TRIM55: variants seen among roughly 807,000 people sequenced by gnomAD.
TRIM55 encodes tripartite motif-containing protein 55.
A neutral mutation model predicts 60.9 loss-of-function variants in TRIM55; 50 were observed. The observed-to-expected ratio is 0.82, with a 90% CI of 0.65 to 1.04. The LOEUF (loss-of-function observed/expected upper bound fraction) is 1.04. Ranked by LOEUF, TRIM55 falls within the 50% of genes least tolerant of loss-of-function variation. The pLI is 0.00. For missense variants in TRIM55, 681 were observed against 666.9 expected, an observed-to-expected ratio of 1.02 and a Z score of -0.23; for synonymous variants, 237 against 238.1, an observed-to-expected ratio of 1.00 and a Z score of 0.04.
chr8:66,171,077 G>T (rs1811600108), intron 9 of TRIM55, among the ~76,000 whole-genome samples: 1 of 152,152 alleles, frequency 6.6e-6, no homozygotes, highest in Non-Finnish European at 1.5e-5. Flanking sequence ...ATCACCTAAG[G>T]ATGCATTTCT....
intron 9 of TRIM55, among the ~76,000 whole-genome samples, chr8:66,168,412 C>A (rs987499753): frequency 2.0e-5 from 3 of 152,216 alleles, no homozygotes; most frequent in African/African-American, 7.2e-5. Context: ...GGAGAGCGGG[C>A]CAATGCTTGG....
Position 66,154,323 on chromosome 8 carries a change from G to A in TRIM55, c.1513G>A (p.Ala505Thr). Residue 505 changes from alanine (A) to threonine (T), a missense_variant, in exon 9 of 10, where the codon GCT (alanine) becomes ACT (threonine). Transcript: ENST00000315962. ...TGGTAAGGAAACTAGTGCACCTGCA[G>A]CTACTTCTCAGGTTAGTGATGATGC... is the stretch of plus-strand genomic sequence containing the variant. ...VSGKETSAPA[A>T]TSQIGFEAPP... 6.2e-7 allele frequency: 1 copy of A among 1,613,980 alleles called. No individual in the cohort carries two copies. The highest frequency in any genetic ancestry group is 1.3e-5 in the African/African-American group (1 of 75,010).
chr8:66,170,484 C>T (rs992689214), intron 9 of TRIM55, among the ~76,000 whole-genome samples: 1 of 152,146 alleles, frequency 6.6e-6, no homozygotes, highest in Non-Finnish European at 1.5e-5. Context: ...GTATGCATGA[C>T]ATTTTGTTTA....
In TRIM55 at chr8:66,164,544, C is replaced by T. The variant is rs574820763; in HGVS notation, c.1525-9927C>T. 2.0e-5 allele frequency among the ~76,000 whole-genome samples: 3 copies of T among 152,300 alleles called. No individual in the cohort carries two copies. In the East Asian group the frequency reaches 5.8e-4, roughly 29 times the overall value. ...GCTTGTCCTCTTGGCTGAGAAAGTC[C>T]AATGGTTCCCAGCCCAAGTATCAAC... On this transcript the variant is annotated intron_variant, in intron 9 of 9. Coordinates refer to ENST00000315962, the MANE Select transcript of TRIM55 (RefSeq NM_184085.2).
chr8:66,150,141 C>T, intron 5 of TRIM55, 76 bp from the exon 6 acceptor site: 1 of 1,528,466 alleles, frequency 6.5e-7, no homozygotes. Flanking sequence ...TCAGAGTCAA[C>T]AAAGGAAATA....
chr8:66,116,343 A>G, the TRIM55 span, among the ~76,000 whole-genome samples: 1 of 152,182 alleles, frequency 6.6e-6, no homozygotes, highest in African/African-American at 2.4e-5. Context: ...ATGGTGGCTC[A>G]TGCCTATAAT....
At chr8:66,139,079 G>A (rs1283613722) in intron 4 of TRIM55, among the ~76,000 whole-genome samples, 1 of 152,172 alleles carries the variant, frequency 6.6e-6, no homozygotes, top group Non-Finnish European at 1.5e-5. Flanking sequence ...TTCTCTTGGT[G>A]AAGAGCCGAA....
At chr8:66,116,377 C>A in the TRIM55 span, among the ~76,000 whole-genome samples, 1 of 152,148 alleles carries the variant, frequency 6.6e-6, no homozygotes, top group Admixed American at 6.5e-5. Context: ...GAGGCCCGGG[C>A]AGACAGATCC....
At position 66,145,660 on chromosome 8, in the gene TRIM55, GT is replaced by G. The variant is rs144951748; in HGVS notation, c.604-3975del. Among the ~76,000 whole-genome samples, 686 of 148,724 alleles carry G rather than the reference GT, an allele frequency of 4.6e-3. 4 individuals are homozygous for G. The highest frequency in any genetic ancestry group is 0.016 in the African/African-American group (654 of 40,582). ...CTTAAGCATAGTGAATTTGGGTTTTGTTTTTTTTTTCTCTTTTGGAGGTGGA... is the reference window on the plus strand; with the variant it reads ...CTTAAGCATAGTGAATTTGGGTTTTGTTTTTTTTTCTCTTTTGGAGGTGGA... On this transcript the variant is annotated intron_variant, in intron 4 of 9. Transcript: ENST00000315962.
chr8:66,151,897 A>G (rs141174412), intron 7 of TRIM55, among the ~76,000 whole-genome samples: 108 of 148,878 alleles, frequency 7.3e-4, no homozygotes, highest in African/African-American at 2.5e-3. Context: ...AATAAATAAA[A>G]GAGTCGTGAC....
intron 2 of TRIM55, among the ~76,000 whole-genome samples, chr8:66,130,378 G>T (rs1380000936): frequency 6.6e-6 from 1 of 152,116 alleles, no homozygotes; most frequent in Non-Finnish European, 1.5e-5. Context: ...AATTTTACTT[G>T]GTAGCAAAAC....
Position 66,140,451 on chromosome 8 carries a change from T to C in TRIM55, c.603+3261T>C, listed in dbSNP as rs144983574. On this transcript the variant is annotated intron_variant, in intron 4 of 9. Transcript: ENST00000315962. ...GTTCTTTCAGATCAGTTTAGGTGGC[T>C]CATCTGGAGATGTAGAGATGTTCTC... is the stretch of plus-strand genomic sequence containing the variant. Among the ~76,000 whole-genome samples the C allele has an allele frequency of 9.8e-5, 15 of 152,372 alleles. No individual in the cohort carries two copies. In the East Asian group the frequency reaches 2.9e-3, roughly 29 times the overall value.
chr8:66,173,442 T>C (rs1003804998), intron 9 of TRIM55, among the ~76,000 whole-genome samples: 2 of 152,344 alleles, frequency 1.3e-5, no homozygotes, highest in South Asian at 4.1e-4. Context: ...ACCAAAGTTC[T>C]GCTTTACTTG....
chr8:66,172,169 C>T (rs746250143), intron 9 of TRIM55, among the ~76,000 whole-genome samples: 1 of 152,074 alleles, frequency 6.6e-6, no homozygotes, highest in Non-Finnish European at 1.5e-5. Context: ...TCAGTCCTTA[C>T]GACAACCTTG....
intron 2 of TRIM55, among the ~76,000 whole-genome samples, 196 bp from the exon 3 acceptor site, chr8:66,134,793 TC>T (rs1809379979): frequency 6.6e-6 from 1 of 152,046 alleles, no homozygotes; most frequent in African/African-American, 2.4e-5. Context: ...TTGCCAGCAC[TC>T]CCCTGCTACA....
chr8:66,173,550 A>T (rs1811757751), intron 9 of TRIM55, among the ~76,000 whole-genome samples: 1 of 152,236 alleles, frequency 6.6e-6, no homozygotes, highest in African/African-American at 2.4e-5. Context: ...AATCAGTGGC[A>T]TTCTAATCTG....
At chr8:66,141,519 G>A (rs370496722) in intron 4 of TRIM55, among the ~76,000 whole-genome samples, 2 of 152,198 alleles carry the variant, frequency 1.3e-5, no homozygotes, top group South Asian at 2.1e-4. Context: ...GTCCACTGGG[G>A]AGCTCTCTGC....
intron 9 of TRIM55, among the ~76,000 whole-genome samples, chr8:66,170,437 A>G (rs1279124789): frequency 6.6e-6 from 1 of 152,178 alleles, no homozygotes; most frequent in Non-Finnish European, 1.5e-5. Context: ...AAGGCTGAAC[A>G]GTGTTCCATT....
chr8:66,136,940 T>C (rs1003624240), intron 3 of TRIM55, among the ~76,000 whole-genome samples, 155 bp from the exon 4 acceptor site: 1 of 152,234 alleles, frequency 6.6e-6, no homozygotes, highest in African/African-American at 2.4e-5. Context: ...AAAGGTTTGC[T>C]TGCAATATCA....
Sources: allele counts gnomAD v4.1 joint callset (sites outside exome capture counted in the v4.1 genomes callset), GRCh38; gene constraint gnomAD v4.1.1; transcripts MANE v1.5; gene names NCBI Gene and HGNC (gene_info 2026-07-23, HGNC 2026-07-21).